EHMT1: variants seen among roughly 807,000 people sequenced by gnomAD.
EHMT1 encodes histone-lysine N-methyltransferase EHMT1.
EHMT1 carries 15 observed loss-of-function variants against 147.2 expected under a neutral mutation model. The observed-to-expected ratio is 0.10, with a 90% CI of 0.07 to 0.16. EHMT1 has a LOEUF of 0.16. EHMT1 is among the 10% of genes least tolerant of loss of function. The pLI is 1.00. For missense variants in EHMT1, 1,587 were observed against 1,772.4 expected, an observed-to-expected ratio of 0.90 and a Z score of 1.88; for synonymous variants, 795 against 709.6, an observed-to-expected ratio of 1.12 and a Z score of -1.91.
intron 10 of EHMT1, among the ~76,000 whole-genome samples, chr9:137,765,988 C>T (rs977198018): frequency 6.6e-5 from 10 of 152,060 alleles, no homozygotes; most frequent in Non-Finnish European, 1.0e-4. Flanking sequence ...CTGCCAAGGC[C>T]GGGTGCAGTA....
intron 1 of EHMT1, among the ~76,000 whole-genome samples, chr9:137,702,584 C>T (rs1402663929): frequency 1.3e-5 from 2 of 152,150 alleles, no homozygotes; most frequent in Non-Finnish European, 2.9e-5. Context: ...ACAGCTCCTG[C>T]AGCTGCTTTC....
intron 2 of EHMT1, among the ~76,000 whole-genome samples, chr9:137,713,833 C>T (rs975005466): frequency 6.6e-6 from 1 of 151,764 alleles, no homozygotes; most frequent in African/African-American, 2.4e-5. Flanking sequence ...ACCTATAATC[C>T]CAGCTACTCA....
At chr9:137,826,262 C>T (rs1955806969) in intron 25 of EHMT1, among the ~76,000 whole-genome samples, 1 of 152,178 alleles carries the variant, frequency 6.6e-6, no homozygotes, top group South Asian at 2.1e-4. Context: ...TTTCTAGCAT[C>T]TGTTTTGCTG....
intron 1 of EHMT1, among the ~76,000 whole-genome samples, chr9:137,643,004 C>T (rs1020054859): frequency 3.3e-5 from 5 of 152,060 alleles, no homozygotes; most frequent in African/African-American, 7.2e-5. Flanking sequence ...CTCAGCCTCC[C>T]GAGTAGTTGG....
chr9:137,767,507 G>A (rs1950291997), intron 10 of EHMT1, among the ~76,000 whole-genome samples: 1 of 152,156 alleles, frequency 6.6e-6, no homozygotes, highest in Non-Finnish European at 1.5e-5. Flanking sequence ...TACCAGTTGT[G>A]CATCCCAAAT....
chr9:137,791,986 G>T (rs919184185), intron 16 of EHMT1: 9 of 424,658 alleles, frequency 2.1e-5, no homozygotes, highest in Admixed American at 1.8e-4. Context: ...GCCCGCCTCA[G>T]CCTCCCATGG....
In EHMT1 at chr9:137,700,492, A is replaced by G. The variant is rs151144736; in HGVS notation, c.22-10475A>G. On this transcript the variant is annotated intron_variant, in intron 1 of 26. Transcript: ENST00000460843. The stretch of plus-strand genomic sequence containing the variant: ...TAAAGTGGGCATTCGGAAGAAGACA[A>G]TGTTGTTTTCTAGAAGGATGGTGGA... 1.9e-3 allele frequency among the ~76,000 whole-genome samples: 293 copies of G among 152,316 alleles called. 2 individuals are homozygous for G. Among genetic ancestry groups the G allele is most frequent in the African/African-American group, 6.6e-3 (275 of 41,580 alleles).
At chr9:137,635,459 C>T (rs1234793930) in intron 1 of EHMT1, among the ~76,000 whole-genome samples, 1 of 151,694 alleles carries the variant, frequency 6.6e-6, no homozygotes, top group African/African-American at 2.4e-5. Flanking sequence ...TCGTGATTCG[C>T]CCTCCTTGGC....
intron 16 of EHMT1, among the ~76,000 whole-genome samples, chr9:137,798,596 T>TGGG (rs1953160156): frequency 6.6e-6 from 1 of 152,194 alleles, no homozygotes; most frequent in Non-Finnish European, 1.5e-5. Flanking sequence ...GTCTTCACTG[T>TGGG]GCCAGGCGAC....
chr9:137,818,160 G>A, intron 25 of EHMT1, 22 bp downstream of exon 25: 2 of 1,613,130 alleles, frequency 1.2e-6, no homozygotes, highest in Non-Finnish European at 1.7e-6. Flanking sequence ...TGTGGGGTTG[G>A]GGCCACGCAG....
At chr9:137,718,661 T>C (rs1421408533) in intron 3 of EHMT1, among the ~76,000 whole-genome samples, 1 of 152,180 alleles carries the variant, frequency 6.6e-6, no homozygotes, top group Non-Finnish European at 1.5e-5. Context: ...CTTCCCCTTC[T>C]TGCTGTTCAT....
chr9:137,697,915 G>A (rs1342925492), intron 1 of EHMT1, among the ~76,000 whole-genome samples: 2 of 151,586 alleles, frequency 1.3e-5, no homozygotes, highest in African/African-American at 2.4e-5. Flanking sequence ...GGTCCAAAGG[G>A]AGGATGGCAC....
intron 4 of EHMT1, among the ~76,000 whole-genome samples, chr9:137,739,911 C>G (rs1464567959): frequency 6.6e-6 from 1 of 152,204 alleles, no homozygotes; most frequent in African/African-American, 2.4e-5. Context: ...GGGAACAGTT[C>G]TACAGGTGCT....
chr9:137,646,476 G>A lies in EHMT1; in HGVS notation c.21+27427G>A, dbSNP rs893147934. The A allele has an allele frequency of 6.1e-6, 6 of 975,630 alleles. No individual in the cohort carries two copies. The African/African-American group carries it at 7.0e-5, about 11-fold the overall frequency. The allele number at this position is 975,630 out of a possible 1,614,324, so 60.4% of individuals were successfully genotyped here. ...AATGGGAGCCCCGAGGAGTGCTCCC[G>A]TTTTGTGGGAGAGAGGAGCTAGTCA... is the stretch of plus-strand genomic sequence containing the variant. On this transcript the variant is annotated intron_variant, in intron 1 of 26. Transcript: ENST00000460843.
intron 4 of EHMT1, among the ~76,000 whole-genome samples, chr9:137,740,483 C>T (rs960344579): frequency 2.0e-5 from 3 of 152,216 alleles, no homozygotes; most frequent in African/African-American, 7.2e-5. Flanking sequence ...TTTTCTTTCT[C>T]CTGGCCCCTG....
chr9:137,624,727 G>T (rs997928961), intron 1 of EHMT1, among the ~76,000 whole-genome samples: 5 of 151,946 alleles, frequency 3.3e-5, no homozygotes, highest in Admixed American at 3.3e-4. Context: ...CTCCCAAAGT[G>T]TTGGGATTAC....
At chr9:137,821,318 CTTTT>C (rs778919891) in intron 25 of EHMT1, among the ~76,000 whole-genome samples, 2 of 63,976 alleles carry the variant, frequency 3.1e-5, no homozygotes, top group African/African-American at 6.8e-5. Context: ...TGCGCCCGGC[CTTTT>C]TTTTTTTTTT....
intron 1 of EHMT1, among the ~76,000 whole-genome samples, chr9:137,625,250 G>A (rs1270132910): frequency 1.3e-5 from 2 of 152,136 alleles, no homozygotes; most frequent in African/African-American, 4.8e-5. Context: ...CGTTGCATCC[G>A]TGATTTTCCT....
At chr9:137,834,642 C>T (rs974172889) in intron 26 of EHMT1, 118 bp downstream of exon 26, 12 of 1,592,874 alleles carry the variant, frequency 7.5e-6, no homozygotes, top group Admixed American at 5.2e-5. Context: ...TCCTGTAGTT[C>T]TAAAAACTGC....
Sources: gnomAD v4.1 joint callset for allele counts (sites outside exome capture counted in the v4.1 genomes callset) on GRCh38, gnomAD v4.1.1 for gene constraint, MANE v1.5 for transcripts, NCBI Gene and HGNC (gene_info 2026-07-23, HGNC 2026-07-21) for gene names.